Variants in CREB5 observed in about 807,000 individuals in gnomAD.
CREB5 encodes cAMP responsive element binding protein 5.
In CREB5, 19 loss-of-function variants were observed where a neutral mutation model predicts 57.1. The ratio of observed to expected loss-of-function variants is 0.33; its 90% CI spans 0.23 to 0.49. The LOEUF is 0.49. CREB5 is among the 20% of genes least tolerant of loss of function. The pLI is 0.99. For synonymous variants in CREB5, 238 were observed against 238.3 expected (o/e 1.00, Z 0.01); for missense variants, 579 against 671.6 (o/e 0.86, Z 1.52).
chr7:28,775,488 T>A (rs546699711), intron 7 of CREB5, among the ~76,000 whole-genome samples: 2 of 150,590 alleles, frequency 1.3e-5, no homozygotes, highest in African/African-American at 4.9e-5. Context: ...GATTTTGGTA[T>A]ATATCATTCC....
intron 1 of CREB5, among the ~76,000 whole-genome samples, chr7:28,455,898 T>C (rs1027765128): frequency 2.0e-5 from 3 of 152,228 alleles, no homozygotes; most frequent in Non-Finnish European, 4.4e-5. Context: ...GAGATCTGCA[T>C]GCATTTCACT....
chr7:28,792,614 G>A (rs184883467), intron 7 of CREB5, among the ~76,000 whole-genome samples: 1 of 152,314 alleles, frequency 6.6e-6, no homozygotes, highest in Admixed American at 6.5e-5. Context: ...GATTATGAAT[G>A]ACTCTTCTTT....
chr7:28,636,802 T>C (rs1466119463), intron 5 of CREB5, among the ~76,000 whole-genome samples: 3 of 152,162 alleles, frequency 2.0e-5, no homozygotes, highest in South Asian at 2.1e-4. Context: ...CTTTCTGTGG[T>C]TTTCTAAATG....
chr7:28,783,275 G>T (rs1807096206), intron 7 of CREB5, among the ~76,000 whole-genome samples: 1 of 152,100 alleles, frequency 6.6e-6, no homozygotes, highest in African/African-American at 2.4e-5. Flanking sequence ...CCATTTTCGT[G>T]TCACATTTGC....
At chr7:28,570,175 G>A (rs561186304) in intron 4 of CREB5, among the ~76,000 whole-genome samples, 190 bp from the exon 5 acceptor site, 1 of 152,238 alleles carries the variant, frequency 6.6e-6, no homozygotes, top group East Asian at 1.9e-4. Context: ...TACTCTAAGG[G>A]TGAGTAGTTA....
chr7:28,682,686 G>C (rs191788001), intron 5 of CREB5, among the ~76,000 whole-genome samples: 34 of 147,554 alleles, frequency 2.3e-4, no homozygotes, highest in African/African-American at 7.0e-4. Context: ...TAAAAGTGGG[G>C]GGGGGGGGAA....
At chr7:28,663,614 G>A (rs979645919) in intron 5 of CREB5, among the ~76,000 whole-genome samples, 2 of 152,146 alleles carry the variant, frequency 1.3e-5, no homozygotes, top group Admixed American at 6.5e-5. Flanking sequence ...ACCATCTCTG[G>A]TTTCTACATG....
intron 1 of CREB5, among the ~76,000 whole-genome samples, chr7:28,445,778 T>G (rs549159471): frequency 1.3e-5 from 2 of 151,508 alleles, no homozygotes; most frequent in East Asian, 2.0e-4. Flanking sequence ...ATCTCGATCT[T>G]CTGACCTCAT....
intron 7 of CREB5, among the ~76,000 whole-genome samples, chr7:28,799,010 A>G (rs1410985526): frequency 1.3e-5 from 2 of 152,188 alleles, no homozygotes; most frequent in African/African-American, 4.8e-5. Flanking sequence ...AGAAATTTCT[A>G]TATTTGGGAG....
intron 5 of CREB5, among the ~76,000 whole-genome samples, chr7:28,608,154 C>T (rs1361910116): frequency 6.6e-6 from 1 of 151,300 alleles, no homozygotes; most frequent in Non-Finnish European, 1.5e-5. Context: ...CACACACACA[C>T]ACTCTCAAAC....
chr7:28,447,251 A>T lies in CREB5; in HGVS notation c.3+34334A>T, dbSNP rs149123201. ...TACGGTAAACAGTAAATGCTCAACA[A>T]ATGGTAGTTCTTTTTCATAAGCTTT... On this transcript the variant is annotated intron_variant, in intron 1 of 10. Coordinates refer to ENST00000357727, the MANE Select transcript of CREB5 (RefSeq NM_182898.4). Among the ~76,000 whole-genome samples the T allele has an allele frequency of 2.8e-4, 42 of 152,318 alleles. No homozygotes were observed. The East Asian group carries it at 7.9e-3, about 29-fold the overall frequency.
intron 1 of CREB5, among the ~76,000 whole-genome samples, chr7:28,400,953 A>T (rs190284207): frequency 1.3e-5 from 2 of 152,326 alleles, no homozygotes; most frequent in Non-Finnish European, 2.9e-5. Flanking sequence ...CCCTGTATAT[A>T]AAACATTCCT....
intron 7 of CREB5, among the ~76,000 whole-genome samples, chr7:28,762,227 C>A (rs1263812591): frequency 4.6e-5 from 7 of 152,130 alleles, no homozygotes; most frequent in African/African-American, 1.7e-4. Context: ...AACTTCAAAC[C>A]CCACATTTCA....
intron 7 of CREB5, among the ~76,000 whole-genome samples, chr7:28,739,151 G>T (rs1804198432): frequency 6.6e-6 from 1 of 152,234 alleles, no homozygotes; most frequent in Non-Finnish European, 1.5e-5. Context: ...TCTCAGAAGA[G>T]TCAAGGTCCT....
At chr7:28,679,824 C>A (rs1800502624) in intron 5 of CREB5, among the ~76,000 whole-genome samples, 1 of 152,140 alleles carries the variant, frequency 6.6e-6, no homozygotes, top group Non-Finnish European at 1.5e-5. Flanking sequence ...ACTTTGGTAT[C>A]AGACAACTTT....
At chr7:28,737,961 T>G (rs183470729) in intron 7 of CREB5, among the ~76,000 whole-genome samples, 1 of 152,334 alleles carries the variant, frequency 6.6e-6, no homozygotes, top group Non-Finnish European at 1.5e-5. Flanking sequence ...CTCAGTGCAG[T>G]ATATTTTCAA....
chr7:28,527,997 A>G (rs892201916), intron 4 of CREB5, among the ~76,000 whole-genome samples: 1 of 152,190 alleles, frequency 6.6e-6, no homozygotes, highest in Non-Finnish European at 1.5e-5. Context: ...ATGTTTATCT[A>G]CCTTGCAAAG....
chr7:28,560,967 T>TGTGC (rs1554344535), intron 4 of CREB5, among the ~76,000 whole-genome samples: 3 of 30,382 alleles, frequency 9.9e-5, no homozygotes, highest in African/African-American at 2.8e-4. Context: ...TGTGCGTGTG[T>TGTGC]GTGTGCGTGT....
chr7:28,408,565 C>T (rs114459328), upstream of CREB5, among the ~76,000 whole-genome samples: 869 of 152,292 alleles, frequency 5.7e-3, 7 homozygotes, highest in East Asian at 0.039. Context: ...CTGGAAGTGA[C>T]AGCCAAGGGC....
Sources: allele counts gnomAD v4.1 joint callset (sites outside exome capture counted in the v4.1 genomes callset), GRCh38; gene constraint gnomAD v4.1.1; transcripts MANE v1.5; gene names NCBI Gene and HGNC (gene_info 2026-07-23, HGNC 2026-07-21).